The following HMGA2 variants were observed in gnomAD, a reference collection of about 807,000 sequenced individuals.
The protein encoded by HMGA2 is high mobility group AT-hook 2, also known as high mobility group protein HMGI-C.
HMGA2 carries 8 observed loss-of-function variants against 19.1 expected under a neutral mutation model. The observed-to-expected ratio is 0.42, with a 90% CI of 0.25 to 0.76. The LOEUF is 0.76. Ranked by LOEUF, HMGA2 falls within the 30% of genes least tolerant of loss-of-function variation. The probability of loss-of-function intolerance (pLI) is 0.28; values close to 1 mark genes in which losing one functional copy is unlikely to be tolerated. For missense variants in HMGA2, 109 were observed against 136.3 expected (o/e 0.80, Z 1.00); for synonymous variants, 60 against 48.8 (o/e 1.23, Z -0.96).
intron 3 of HMGA2, among the ~76,000 whole-genome samples, chr12:65,922,804 T>C (rs1483037930): frequency 3.3e-5 from 5 of 152,164 alleles, no homozygotes; most frequent in African/African-American, 9.7e-5. Context: ...GGGGAGATAA[T>C]TGAATCATGG....
chr12:65,843,388 A>G, intron 3 of HMGA2: 2 of 204,496 alleles, frequency 9.8e-6, no homozygotes, highest in East Asian at 7.5e-5. Context: ...GTAATTTTAT[A>G]TATTAGTCAA....
At chr12:65,900,661 T>C (rs1368690320) in intron 3 of HMGA2, among the ~76,000 whole-genome samples, 1 of 152,198 alleles carries the variant, frequency 6.6e-6, no homozygotes, top group Admixed American at 6.5e-5. Flanking sequence ...TTTTTTCTTG[T>C]TCTCTAAAAG....
chr12:65,897,785 C>T (rs1592430008), intron 3 of HMGA2, among the ~76,000 whole-genome samples: 1 of 152,100 alleles, frequency 6.6e-6, no homozygotes, highest in Admixed American at 6.5e-5. Context: ...CGTGGTAAAA[C>T]CCTGTCTCTA....
intron 3 of HMGA2, among the ~76,000 whole-genome samples, chr12:65,929,274 TGATTTTTAAAGCG>T (rs1166608183): frequency 6.6e-6 from 1 of 152,152 alleles, no homozygotes; most frequent in East Asian, 1.9e-4. Flanking sequence ...TTCCCATACT[TGATTTTTAAAGCG>T]GAGTTTTGTT....
In HMGA2 at chr12:65,825,571, C is replaced by G. The variant is rs1870119907; in HGVS notation, c.111+190C>G. 6.6e-6 allele frequency among the ~76,000 whole-genome samples: 1 copy of G among 150,716 alleles called. No individual in the cohort carries two copies. The highest frequency in any genetic ancestry group is 6.6e-5 in the Admixed American group (1 of 15,126). ...CGGCCCCGGGGCGCCAGCAACCCTCCGGGCGGGGAGGTGGGGAGCCGCGGC... is the reference window on the plus strand; with the variant it reads ...CGGCCCCGGGGCGCCAGCAACCCTCGGGGCGGGGAGGTGGGGAGCCGCGGC... On this transcript the variant is annotated intron_variant, in intron 1 of 4. Coordinates refer to ENST00000403681, the MANE Select transcript of HMGA2 (RefSeq NM_003483.6). This position sits in a 1 kb window ranked among gnomAD's most constrained non-coding sequence, Gnocchi z 4.4.
At chr12:65,830,689 G>A (rs559924083) in intron 2 of HMGA2, 6 of 152,034 alleles carry the variant, frequency 3.9e-5, no homozygotes, top group Admixed American at 3.9e-4. Context: ...TGAAAACAAA[G>A]CTGTTGATTT....
chr12:65,848,547 A>G (rs74234985), intron 3 of HMGA2, among the ~76,000 whole-genome samples: 20,956 of 152,206 alleles, frequency 0.14, 2,721 homozygotes, highest in African/African-American at 0.32. Flanking sequence ...AATAATAGCT[A>G]GCAATGTTAC....
intron 3 of HMGA2, among the ~76,000 whole-genome samples, chr12:65,943,048 G>A (rs978855523): frequency 1.3e-5 from 2 of 151,690 alleles, no homozygotes; most frequent in African/African-American, 2.4e-5. Context: ...ACGCCTCCCC[G>A]CACTTAAGAA....
chr12:65,861,360 C>A (rs527610476), intron 3 of HMGA2, among the ~76,000 whole-genome samples: 1 of 151,806 alleles, frequency 6.6e-6, no homozygotes, highest in African/African-American at 2.4e-5. Flanking sequence ...AGCAAGACTC[C>A]GTCTCAAAAC....
chr12:65,954,621 T>C (rs1876553806), intron 4 of HMGA2: 1 of 152,164 alleles, frequency 6.6e-6, no homozygotes, highest in African/African-American at 2.4e-5. Flanking sequence ...CTTGTGTTTG[T>C]GTATACAAGT....
chr12:65,884,181 T>C (rs1049251047), intron 3 of HMGA2, among the ~76,000 whole-genome samples: 1 of 152,186 alleles, frequency 6.6e-6, no homozygotes, highest in African/African-American at 2.4e-5. Context: ...ATTTTTTATA[T>C]ACAGATTGAA....
At chr12:65,847,082 CTATA>C (rs779420505) in intron 3 of HMGA2, among the ~76,000 whole-genome samples, 3 of 152,052 alleles carry the variant, frequency 2.0e-5, no homozygotes, top group Non-Finnish European at 4.4e-5. Context: ...TACATACATA[CTATA>C]TATATACACA....
chr12:65,913,711 C>T (rs989464668), intron 3 of HMGA2, among the ~76,000 whole-genome samples: 10 of 152,140 alleles, frequency 6.6e-5, no homozygotes, highest in Non-Finnish European at 1.3e-4. Context: ...TGTTTGACCC[C>T]ACTCAGAGCT....
chr12:65,962,035 T>C (rs1467875622), intron 4 of HMGA2, among the ~76,000 whole-genome samples: 1 of 152,192 alleles, frequency 6.6e-6, no homozygotes, highest in Non-Finnish European at 1.5e-5. Flanking sequence ...TGAAGCCATG[T>C]GGAAAATCAA....
chr12:65,828,209 C>A, intron 2 of HMGA2, 122 bp downstream of exon 2: 2 of 740,840 alleles, frequency 2.7e-6, no homozygotes, highest in Non-Finnish European at 2.5e-6. Context: ...ACACAAGACT[C>A]ATTTCTTACA....
chr12:65,866,891 C>T (rs1427321099), intron 3 of HMGA2: 2 of 457,094 alleles, frequency 4.4e-6, no homozygotes, highest in South Asian at 3.1e-5. Flanking sequence ...TGCTGTTTTC[C>T]TTCTGCTGCC....
At chr12:65,924,100 T>G (rs1875420714) in intron 3 of HMGA2, among the ~76,000 whole-genome samples, 2 of 152,112 alleles carry the variant, frequency 1.3e-5, no homozygotes, top group African/African-American at 4.8e-5. Context: ...AAGGATACTA[T>G]TTAATAGTGA....
chr12:65,836,573 G>C (rs1249912549), intron 2 of HMGA2, among the ~76,000 whole-genome samples: 2 of 152,170 alleles, frequency 1.3e-5, no homozygotes, highest in African/African-American at 4.8e-5. Context: ...TGGAAGAGCA[G>C]GAATTGGAAT....
chr12:65,945,097 G>A (rs536059228), intron 3 of HMGA2, among the ~76,000 whole-genome samples: 60 of 151,932 alleles, frequency 3.9e-4, no homozygotes, highest in African/African-American at 1.4e-3. Context: ...AGGGGCCTCA[G>A]GGGCATCCTG....
Sources: gnomAD v4.1 joint callset for allele counts (sites outside exome capture counted in the v4.1 genomes callset) on GRCh38, gnomAD v4.1.1 for gene constraint, Gnocchi (gnomAD v3.1) non-coding constraint, MANE v1.5 for transcripts, NCBI Gene and HGNC (gene_info 2026-07-23, HGNC 2026-07-21) for gene names.